Variants in IPCEF1 observed in about 807,000 individuals in gnomAD.
IPCEF1 encodes interaction protein for cytohesin exchange factors 1.
IPCEF1 carries 31 observed loss-of-function variants against 50.9 expected under a neutral mutation model. The observed-to-expected ratio is 0.61, with a 90% CI of 0.46 to 0.82. The LOEUF (loss-of-function observed/expected upper bound fraction) is 0.82, where lower values mean the gene tolerates loss of function less well. IPCEF1 is among the 40% of genes least tolerant of loss of function. The pLI is 0.00. For missense variants in IPCEF1, 458 were observed against 514.0 expected (o/e 0.89, Z 1.05); for synonymous variants, 181 against 192.0 (o/e 0.94, Z 0.47).
intron 5 of IPCEF1, among the ~76,000 whole-genome samples, chr6:154,228,871 AGAGT>A (rs1431946825): frequency 6.6e-6 from 1 of 152,242 alleles, no homozygotes; most frequent in African/African-American, 2.4e-5. Context: ...CCTGGGCTAC[AGAGT>A]GAGACCCAGT....
intron 5 of IPCEF1, among the ~76,000 whole-genome samples, chr6:154,240,129 G>T (rs1275229633): frequency 6.6e-6 from 1 of 152,138 alleles, no homozygotes; most frequent in African/African-American, 2.4e-5. Context: ...GTAGAAGTCT[G>T]GGAACACATC....
intron 1 of IPCEF1, among the ~76,000 whole-genome samples, chr6:154,325,968 G>A (rs1783507803): frequency 6.6e-6 from 1 of 152,124 alleles, no homozygotes; most frequent in African/African-American, 2.4e-5. Context: ...GCTCACGCTT[G>A]TAATCCCAGC....
In IPCEF1 at chr6:154,219,985, A is replaced by AGTGTGTGTGT. The variant is rs57450665; in HGVS notation, c.392+1262_392+1271dup. Among the ~76,000 whole-genome samples, 395 of 140,134 alleles carry AGTGTGTGTGT rather than the reference A, an allele frequency of 2.8e-3. 1 individual carries two copies. Among genetic ancestry groups the AGTGTGTGTGT allele is most frequent in the African/African-American group, 7.1e-3 (268 of 37,988 alleles). 91.9% of individuals were successfully genotyped at this position (140,134 alleles called of 152,430 possible). On this transcript the variant is annotated intron_variant, in intron 7 of 11. Transcript: ENST00000367220. ...CAGAGCTGAGCGGATACCTGTAAGG[A>AGTGTGTGTGT]GTGTGTGTGTGTGTGTGTGTGTGTG... is the stretch of plus-strand genomic sequence containing the variant.
chr6:154,344,173 G>C (rs1051991763), intron 1 of IPCEF1, among the ~76,000 whole-genome samples: 3 of 152,106 alleles, frequency 2.0e-5, no homozygotes, highest in African/African-American at 7.2e-5. Context: ...TGTGTACAGG[G>C]GAACTGCTTC....
At chr6:154,236,132 A>G (rs546660580) in intron 5 of IPCEF1, among the ~76,000 whole-genome samples, 9 of 152,342 alleles carry the variant, frequency 5.9e-5, no homozygotes, top group Admixed American at 5.2e-4. Context: ...GCCAAAAGGT[A>G]GAAGCGACCC....
intron 2 of IPCEF1, among the ~76,000 whole-genome samples, chr6:154,271,705 C>A (rs1054670894): frequency 6.6e-6 from 1 of 152,096 alleles, no homozygotes; most frequent in African/African-American, 2.4e-5. Context: ...AAAACTAGGC[C>A]GGGTTCAATG....
intron 10 of IPCEF1, among the ~76,000 whole-genome samples, chr6:154,184,678 A>AT (rs915890857): frequency 2.6e-5 from 4 of 152,182 alleles, no homozygotes; most frequent in Non-Finnish European, 4.4e-5. Flanking sequence ...AGTACAATAT[A>AT]TTTTTTTCGA....
intron 2 of IPCEF1, among the ~76,000 whole-genome samples, chr6:154,287,786 C>T (rs780344472): frequency 1.3e-5 from 2 of 152,192 alleles, no homozygotes; most frequent in Non-Finnish European, 2.9e-5. Flanking sequence ...AGAAAACATA[C>T]TTGACAACTT....
At chr6:154,187,871 T>C (rs1801524531) in intron 10 of IPCEF1, among the ~76,000 whole-genome samples, 1 of 152,220 alleles carries the variant, frequency 6.6e-6, no homozygotes, top group East Asian at 1.9e-4. Context: ...AAAAAGTACC[T>C]ACTTCTAACT....
chr6:154,325,161 T>C (rs1783488381), intron 1 of IPCEF1, among the ~76,000 whole-genome samples: 2 of 152,186 alleles, frequency 1.3e-5, no homozygotes, highest in African/African-American at 4.8e-5. Flanking sequence ...GATAAAATTT[T>C]TCATTTATTA....
intron 1 of IPCEF1, among the ~76,000 whole-genome samples, chr6:154,321,493 C>T (rs1300409657): frequency 6.6e-6 from 1 of 151,560 alleles, no homozygotes; most frequent in Non-Finnish European, 1.5e-5. Flanking sequence ...TCCAAAAGAC[C>T]CAGGTCAGGC....
At chr6:154,314,875 G>A (rs997375081) in intron 1 of IPCEF1, among the ~76,000 whole-genome samples, 7 of 150,484 alleles carry the variant, frequency 4.7e-5, no homozygotes, top group Non-Finnish European at 1.0e-4. Flanking sequence ...GGCTTCACTA[G>A]TGTGATTACT....
At chr6:154,269,760 C>T (rs754584825) in intron 2 of IPCEF1, among the ~76,000 whole-genome samples, 3 of 152,128 alleles carry the variant, frequency 2.0e-5, no homozygotes, top group Non-Finnish European at 2.9e-5. Flanking sequence ...TCTCCTCTTC[C>T]AGTCAAAGCC....
chr6:154,167,706 C>T (rs1019878471), intron 11 of IPCEF1, among the ~76,000 whole-genome samples: 9 of 152,088 alleles, frequency 5.9e-5, no homozygotes, highest in Admixed American at 5.2e-4. Context: ...AACATCAAGG[C>T]CTATTGTGAA....
intron 1 of IPCEF1, among the ~76,000 whole-genome samples, chr6:154,332,754 G>A (rs1468237020): frequency 6.6e-6 from 1 of 152,186 alleles, no homozygotes; most frequent in Non-Finnish European, 1.5e-5. Flanking sequence ...AAGATTAGTT[G>A]TCACTTAGTG....
At chr6:154,182,246 G>A (rs1196952733) in intron 10 of IPCEF1, among the ~76,000 whole-genome samples, 1 of 152,100 alleles carries the variant, frequency 6.6e-6, no homozygotes, top group Non-Finnish European at 1.5e-5. Context: ...CTCTGCCAGA[G>A]TCATGTACGT....
rs1197070910 is a variant in IPCEF1, at chr6:154,163,390, C to T, written c.1105-3350G>A. Among the ~76,000 whole-genome samples, 4 of 152,196 alleles carry T rather than the reference C, an allele frequency of 2.6e-5. 1 individual carries two copies. The South Asian group carries it at 6.2e-4, about 24-fold the overall frequency. ...ATTCCCTTTCCTTTTTCAGATTTTACACAAATTATGTCTTTCAAAGAGGCC... is the reference window on the plus strand; with the variant it reads ...ATTCCCTTTCCTTTTTCAGATTTTATACAAATTATGTCTTTCAAAGAGGCC... On this transcript the variant is annotated intron_variant, in intron 11 of 11. Transcript: ENST00000367220.
chr6:154,257,142 T>A (rs1320315696), intron 3 of IPCEF1, among the ~76,000 whole-genome samples: 1 of 152,188 alleles, frequency 6.6e-6, no homozygotes, highest in Non-Finnish European at 1.5e-5. Context: ...CTAAATTTAG[T>A]TCCTGGTTTG....
chr6:154,188,360 T>C (rs1223644387), intron 10 of IPCEF1, among the ~76,000 whole-genome samples: 1 of 152,042 alleles, frequency 6.6e-6, no homozygotes. Flanking sequence ...GAAAGACAAA[T>C]AAATGGAGAG....
Sources: gnomAD v4.1 joint callset for allele counts (sites outside exome capture counted in the v4.1 genomes callset) on GRCh38, gnomAD v4.1.1 for gene constraint, MANE v1.5 for transcripts, NCBI Gene and HGNC (gene_info 2026-07-23, HGNC 2026-07-21) for gene names.